The following RAPGEF4 variants were observed in gnomAD, a reference collection of about 807,000 sequenced individuals.
RAPGEF4 encodes the protein Rap guanine nucleotide exchange factor 4, also known as RAP guanine-nucleotide-exchange factor (GEF) 4.
A neutral mutation model predicts 147.9 loss-of-function variants in RAPGEF4; 66 were observed. The observed-to-expected ratio is 0.45, with a 90% confidence interval of 0.37 to 0.55. The LOEUF (loss-of-function observed/expected upper bound fraction) is 0.55. Ranked by LOEUF, RAPGEF4 falls within the 20% of genes least tolerant of loss-of-function variation. The probability of loss-of-function intolerance (pLI) is 0.00; values close to 1 mark genes in which losing one functional copy is unlikely to be tolerated. For missense variants in RAPGEF4, 1,071 were observed against 1,257.3 expected (o/e 0.85, Z 2.24); for synonymous variants, 419 against 442.7 (o/e 0.95, Z 0.67).
Position 173,016,432 on chromosome 2 carries a change from G to A in RAPGEF4, c.1893G>A (p.Lys631=). 6.2e-7 allele frequency: 1 copy of A among 1,607,578 alleles called. No homozygotes were observed. The highest frequency in any genetic ancestry group is 8.5e-7 in the Non-Finnish European group (1 of 1,174,070). The part of the protein sequence containing the change: ...EQLPELEKIV[K]QISEDAKAPQ... ...TGCCAGAGTTGGAGAAGATTGTCAA[G>A]CAAATGTAAGGAAGGGCTTGACTGT... Residue 631 remains lysine (K), a synonymous_variant, in exon 19 of 31, where the codon AAG becomes AAA. Coordinates refer to ENST00000397081, the MANE Select transcript of RAPGEF4 (RefSeq NM_007023.4).
rs73979544 is a variant in RAPGEF4 at position 172,752,832 on chromosome 2, C to A, written c.65+16784C>A. Among the ~76,000 whole-genome samples, 124 of 152,294 alleles carry A rather than the reference C, an allele frequency of 8.1e-4. 1 individual carries two copies. Among genetic ancestry groups the A allele is most frequent in the African/African-American group, 2.9e-3 (121 of 41,570 alleles). On this transcript the variant is annotated intron_variant, in intron 1 of 30. Coordinates refer to ENST00000397081, the MANE Select transcript of RAPGEF4 (RefSeq NM_007023.4). ...TTTATTGTGCTCTTTTATCTCCTTGCGCTGTAGCTGTACATTATCAGCTTG... is the reference window on the plus strand; with the variant it reads ...TTTATTGTGCTCTTTTATCTCCTTGAGCTGTAGCTGTACATTATCAGCTTG...
chr2:172,875,483 A>G (rs1049284394), intron 4 of RAPGEF4, among the ~76,000 whole-genome samples: 18 of 152,116 alleles, frequency 1.2e-4, no homozygotes, highest in African/African-American at 4.3e-4. Flanking sequence ...CAGTTTTCCC[A>G]GCACCATTTA....
At chr2:172,862,875 C>T (rs368302337) in intron 4 of RAPGEF4, among the ~76,000 whole-genome samples, 2 of 152,128 alleles carry the variant, frequency 1.3e-5, no homozygotes, top group Non-Finnish European at 2.9e-5. Flanking sequence ...CCTGCCCTCA[C>T]AGGATATAGT....
intron 6 of RAPGEF4, among the ~76,000 whole-genome samples, chr2:172,959,255 C>G (rs1232834691): frequency 1.3e-5 from 2 of 152,214 alleles, no homozygotes; most frequent in African/African-American, 4.8e-5. Flanking sequence ...TAGGGGAAAT[C>G]TCTTTTGTTT....
intron 1 of RAPGEF4, among the ~76,000 whole-genome samples, chr2:172,790,662 C>T (rs1408223798): frequency 1.3e-5 from 2 of 152,216 alleles, no homozygotes; most frequent in Admixed American, 6.5e-5. Context: ...CATGCCACTA[C>T]CCTGCTTAAA....
chr2:172,769,576 G>A (rs1697168987), intron 1 of RAPGEF4, among the ~76,000 whole-genome samples: 1 of 152,074 alleles, frequency 6.6e-6, no homozygotes, highest in Non-Finnish European at 1.5e-5. Context: ...GGAGTTCAGG[G>A]AAAGCCCTTC....
intron 1 of RAPGEF4, among the ~76,000 whole-genome samples, chr2:172,747,032 A>G (rs1403656560): frequency 2.0e-5 from 3 of 152,228 alleles, no homozygotes; most frequent in African/African-American, 7.2e-5. Context: ...AACAAATAGA[A>G]AAGATCTTTG....
intron 1 of RAPGEF4, among the ~76,000 whole-genome samples, chr2:172,777,180 G>A (rs930677981): frequency 3.3e-5 from 5 of 152,104 alleles, no homozygotes; most frequent in Non-Finnish European, 5.9e-5. Flanking sequence ...CATTTTTGGA[G>A]ACTCAGCTGA....
chr2:172,908,502 A>T (rs1037472113), intron 4 of RAPGEF4, among the ~76,000 whole-genome samples: 2 of 152,266 alleles, frequency 1.3e-5, no homozygotes, highest in Non-Finnish European at 2.9e-5. Flanking sequence ...TCATCTTAAC[A>T]GAGGGTAGAG....
At chr2:172,965,425 G>T in intron 8 of RAPGEF4, 137 bp from the exon 9 acceptor site, 2 of 979,314 alleles carry the variant, frequency 2.0e-6, no homozygotes. Context: ...ACCGCGTGTG[G>T]TGCTTTGTTT....
In RAPGEF4 at chr2:173,042,145, G is replaced by A. The variant is rs1216764067; in HGVS notation, c.2853+5453G>A. Among the ~76,000 whole-genome samples the A allele has an allele frequency of 6.6e-6, 1 of 152,170 alleles. No homozygotes were observed. The highest frequency in any genetic ancestry group is 2.4e-5 in the African/African-American group (1 of 41,434). ...GGCCCAGGTATCTGTTTTGTTCACT[G>A]ATATTTCTCCAGCACCATAAAAATA... is the stretch of plus-strand genomic sequence containing the variant. On this transcript the variant is annotated intron_variant, in intron 29 of 30. Transcript: ENST00000397081. This position sits in a 1 kb window ranked among gnomAD's most constrained non-coding sequence, Gnocchi z 4.2.
chr2:173,047,977 G>A (rs6717489), intron 29 of RAPGEF4, among the ~76,000 whole-genome samples: 37,804 of 152,116 alleles, frequency 0.25, 5,102 homozygotes, highest in East Asian at 0.62. Context: ...CACCTGGCCT[G>A]TTTTCTGAAT....
At chr2:173,012,620 C>T (rs547617066) in intron 17 of RAPGEF4, among the ~76,000 whole-genome samples, 9 of 152,190 alleles carry the variant, frequency 5.9e-5, no homozygotes, top group African/African-American at 1.9e-4. Context: ...TTATTAAATG[C>T]GGTAGCTGAA....
intron 1 of RAPGEF4, among the ~76,000 whole-genome samples, chr2:172,755,399 G>A (rs772514126): frequency 1.4e-4 from 21 of 151,632 alleles, no homozygotes; most frequent in Non-Finnish European, 2.2e-4. Context: ...TTTTAAAAAC[G>A]GTTTATTTAT....
intron 4 of RAPGEF4, among the ~76,000 whole-genome samples, chr2:172,815,054 A>G (rs3769309): frequency 0.49 from 74,082 of 152,116 alleles, 18,739 homozygotes; most frequent in Non-Finnish European, 0.56. Context: ...TCTTACATGC[A>G]GTCATGGCAA....
chr2:172,911,481 CAG>C (rs1700085379), intron 4 of RAPGEF4, among the ~76,000 whole-genome samples: 1 of 152,008 alleles, frequency 6.6e-6, no homozygotes, highest in African/African-American at 2.4e-5. Flanking sequence ...TTTTTGGAGA[CAG>C]AGTCTCACTC....
chr2:172,783,742 C>CTG (rs1418336376), intron 1 of RAPGEF4, among the ~76,000 whole-genome samples: 2 of 150,708 alleles, frequency 1.3e-5, no homozygotes, highest in East Asian at 3.9e-4. Context: ...ATATGGGTAT[C>CTG]TGTGTGTGTG....
chr2:172,919,114 A>T (rs575844460), intron 5 of RAPGEF4, among the ~76,000 whole-genome samples: 2 of 152,126 alleles, frequency 1.3e-5, no homozygotes, highest in African/African-American at 4.8e-5. Context: ...TGAGCCAGGG[A>T]TGGCTGGCTA....
intron 17 of RAPGEF4, among the ~76,000 whole-genome samples, chr2:173,006,091 GGT>G (rs1224998917): frequency 6.6e-6 from 1 of 152,094 alleles, no homozygotes; most frequent in East Asian, 1.9e-4. Flanking sequence ...TGGGCTTTTG[GGT>G]GAAAACCTTT....
Sources: gnomAD v4.1 joint callset for allele counts (sites outside exome capture counted in the v4.1 genomes callset) on GRCh38, gnomAD v4.1.1 for gene constraint, Gnocchi (gnomAD v3.1) non-coding constraint, MANE v1.5 for transcripts, NCBI Gene and HGNC (gene_info 2026-07-23, HGNC 2026-07-21) for gene names.